NEGR1: variants seen among roughly 807,000 people sequenced by gnomAD.
NEGR1 encodes the protein neuronal growth regulator 1, also known as IgLON family member 4.
NEGR1 carries 10 observed loss-of-function variants against 40.9 expected under a neutral mutation model. The ratio of observed to expected loss-of-function variants is 0.24; its 90% CI spans 0.15 to 0.42. The LOEUF is 0.42. NEGR1 is among the 10% of genes least tolerant of loss of function. NEGR1 has a pLI of 1.00. For synonymous variants in NEGR1, 185 were observed against 166.8 expected (o/e 1.11, Z -0.84); for missense variants, 352 against 438.9 (o/e 0.80, Z 1.77).
intron 6 of NEGR1, among the ~76,000 whole-genome samples, chr1:71,581,935 C>T (rs1649153583): frequency 6.6e-6 from 1 of 152,030 alleles, no homozygotes; most frequent in Admixed American, 6.6e-5. Context: ...AACTCCTGGG[C>T]TCAAGCAATC....
At chr1:71,589,791 C>T (rs1649438233) in intron 6 of NEGR1, among the ~76,000 whole-genome samples, 1 of 151,908 alleles carries the variant, frequency 6.6e-6, no homozygotes, top group Non-Finnish European at 1.5e-5. Flanking sequence ...GTTTAGCAGT[C>T]CACAATGCCT....
intron 2 of NEGR1, among the ~76,000 whole-genome samples, chr1:71,920,547 C>T (rs1350999963): frequency 6.6e-6 from 1 of 152,192 alleles, no homozygotes; most frequent in African/African-American, 2.4e-5. Flanking sequence ...AACTTTAGTG[C>T]ACTCATTTGC....
chr1:72,196,737 C>A (rs1019767890), intron 1 of NEGR1, among the ~76,000 whole-genome samples: 3 of 149,230 alleles, frequency 2.0e-5, no homozygotes, highest in African/African-American at 5.0e-5. Context: ...GCACTTCAGC[C>A]TTGGAGTGCA....
At chr1:72,179,085 A>C (rs1375297770) in intron 1 of NEGR1, among the ~76,000 whole-genome samples, 2 of 151,882 alleles carry the variant, frequency 1.3e-5, no homozygotes, top group African/African-American at 2.4e-5. Context: ...GCCTGAGCTG[A>C]TGTCCAGAAT....
At chr1:71,619,176 T>C (rs1238756154) in intron 4 of NEGR1, among the ~76,000 whole-genome samples, 1 of 152,104 alleles carries the variant, frequency 6.6e-6, no homozygotes. Flanking sequence ...AAATTATAAA[T>C]ATATTTGGCC....
chr1:72,166,336 A>C (rs1651763185), intron 1 of NEGR1, among the ~76,000 whole-genome samples: 1 of 152,146 alleles, frequency 6.6e-6, no homozygotes, highest in South Asian at 2.1e-4. Context: ...GTTGGTAGAC[A>C]TGTAAATTAG....
intron 4 of NEGR1, among the ~76,000 whole-genome samples, chr1:71,626,542 T>C (rs951228871): frequency 6.6e-5 from 10 of 151,922 alleles, no homozygotes; most frequent in African/African-American, 2.2e-4. Context: ...GAACTCATCA[T>C]TTTTATGGCT....
chr1:72,245,174 G>C (rs1331655996), intron 1 of NEGR1, among the ~76,000 whole-genome samples: 2 of 151,976 alleles, frequency 1.3e-5, no homozygotes, highest in Non-Finnish European at 2.9e-5. Flanking sequence ...AAAAATTATA[G>C]TGACTTCACC....
chr1:71,463,869 A>G (rs1356547310), intron 6 of NEGR1, among the ~76,000 whole-genome samples: 7 of 152,160 alleles, frequency 4.6e-5, no homozygotes, highest in Non-Finnish European at 8.8e-5. Context: ...GGAATTTACA[A>G]TCTAATTAGA....
At chr1:71,626,006 A>G (rs1194225743) in intron 4 of NEGR1, among the ~76,000 whole-genome samples, 4 of 151,888 alleles carry the variant, frequency 2.6e-5, no homozygotes, top group Non-Finnish European at 5.9e-5. Flanking sequence ...TGTGAACTGT[A>G]CATGTGAGGA....
intron 6 of NEGR1, among the ~76,000 whole-genome samples, chr1:71,527,426 TCCA>T (rs1647231075): frequency 6.6e-6 from 1 of 150,832 alleles, no homozygotes; most frequent in African/African-American, 2.4e-5. Context: ...CATCCATCCA[TCCA>T]TCCATCCATC....
chr1:72,241,714 A>G (rs1302765484), intron 1 of NEGR1, among the ~76,000 whole-genome samples: 3 of 151,624 alleles, frequency 2.0e-5, no homozygotes, highest in Non-Finnish European at 3.0e-5. Context: ...TTCCAGGTAT[A>G]TATTCCTTCA....
intron 1 of NEGR1, among the ~76,000 whole-genome samples, chr1:72,179,646 T>A (rs1652294009): frequency 6.6e-6 from 1 of 152,072 alleles, no homozygotes; most frequent in African/African-American, 2.4e-5. Flanking sequence ...TAACTTGGCA[T>A]AAAGTACTAG....
Position 71,546,195 on chromosome 1 carries a change from A to G in NEGR1, c.940+46622T>C, listed in dbSNP as rs180797461. On this transcript the variant is annotated intron_variant, in intron 6 of 6. Transcript: ENST00000357731. The stretch of plus-strand genomic sequence containing the variant: ...TGATCCAACCTTCTTTGAAATCTAC[A>G]TACATAAGGAATGTCCATGGCAAAA... Among the ~76,000 whole-genome samples, 36 of 151,870 alleles carry G rather than the reference A, an allele frequency of 2.4e-4. 1 individual carries two copies. Among genetic ancestry groups the G allele is most frequent in the Admixed American group, 2.0e-3 (31 of 15,242 alleles).
intron 1 of NEGR1, among the ~76,000 whole-genome samples, chr1:72,091,558 T>C (rs1648499448): frequency 6.6e-6 from 1 of 151,844 alleles, no homozygotes; most frequent in Middle Eastern, 3.2e-3. Context: ...TACATACTTA[T>C]CCATAATAGA....
chr1:72,038,244 C>T (rs1044847056), intron 1 of NEGR1, among the ~76,000 whole-genome samples: 3 of 151,996 alleles, frequency 2.0e-5, no homozygotes, highest in African/African-American at 7.2e-5. Context: ...ATTTTACATG[C>T]ATTGGTAAGG....
chr1:71,583,135 A>C (rs1045524985), intron 6 of NEGR1, among the ~76,000 whole-genome samples: 32 of 150,750 alleles, frequency 2.1e-4, no homozygotes, highest in Non-Finnish European at 4.4e-4. Flanking sequence ...TAAATAAATA[A>C]ATAAATAAAT....
chr1:71,789,360 G>A (rs1657030639), intron 2 of NEGR1, among the ~76,000 whole-genome samples: 1 of 152,146 alleles, frequency 6.6e-6, no homozygotes, highest in Non-Finnish European at 1.5e-5. Flanking sequence ...TAAGTGCTCA[G>A]AATGTGTTTA....
At chr1:72,076,890 C>CTTTT (rs56943357) in intron 1 of NEGR1, among the ~76,000 whole-genome samples, 1,764 of 101,624 alleles carry the variant, frequency 0.017, 53 homozygotes, top group African/African-American at 0.068. Context: ...CTCATTTATC[C>CTTTT]TTTTTTTTTT....
Sources: allele counts gnomAD v4.1 joint callset (sites outside exome capture counted in the v4.1 genomes callset), GRCh38; gene constraint gnomAD v4.1.1; transcripts MANE v1.5; gene names NCBI Gene and HGNC (gene_info 2026-07-23, HGNC 2026-07-21).